SEMA4D: variants seen among roughly 807,000 people sequenced by gnomAD.
The protein encoded by SEMA4D is semaphorin-4D.
Under a neutral mutation model 74.8 loss-of-function variants are expected in SEMA4D, and 22 were observed. The ratio of observed to expected loss-of-function variants is 0.29; its 90% CI spans 0.21 to 0.42. The LOEUF (loss-of-function observed/expected upper bound fraction) is 0.42, where lower values mean the gene tolerates loss of function less well. Among genes scored for constraint, SEMA4D ranks in the 10% least tolerant of loss-of-function variants. The probability of loss-of-function intolerance (pLI) is 1.00; values close to 1 mark genes in which losing one functional copy is unlikely to be tolerated. For synonymous variants in SEMA4D, 445 were observed against 463.7 expected (o/e 0.96, Z 0.52); for missense variants, 937 against 1,118.4 (o/e 0.84, Z 2.31).
chr9:89,365,866 G>C (rs1833574851), intron 16 of SEMA4D, among the ~76,000 whole-genome samples: 1 of 152,214 alleles, frequency 6.6e-6, no homozygotes, highest in South Asian at 2.1e-4. Context: ...GTTTAATGAA[G>C]CTGACTTTAG....
downstream of SEMA4D, among the ~76,000 whole-genome samples, chr9:89,375,472 A>G (rs892331643): frequency 7.2e-5 from 11 of 152,234 alleles, no homozygotes; most frequent in Non-Finnish European, 1.5e-4. Context: ...TTCTGGCCTC[A>G]GCAGACATGG....
At chr9:89,429,688 T>G (rs894631593) in intron 2 of SEMA4D, among the ~76,000 whole-genome samples, 1 of 152,158 alleles carries the variant, frequency 6.6e-6, no homozygotes, top group African/African-American at 2.4e-5. Flanking sequence ...CGGGTGACAG[T>G]GGCCGAGGGA....
chr9:89,384,881 C>G, intron 13 of SEMA4D: 2 of 985,402 alleles, frequency 2.0e-6, no homozygotes, highest in Non-Finnish European at 1.2e-6. Context: ...CTTCCACCCC[C>G]ACCTGGAGCC....
At position 89,383,101 on chromosome 9, in the gene SEMA4D, C is replaced by T. The variant is rs773761395; in HGVS notation, c.1447-1755G>A. The stretch of plus-strand genomic sequence containing the variant: ...AGGGGACAGGGAAGGAGGAACTGGT[C>T]GTCAGGACAGCCAGCTGTAACTGCT... On this transcript the variant is annotated intron_variant, in intron 13 of 15. Coordinates refer to ENST00000422704, the MANE Select transcript of SEMA4D (RefSeq NM_001371194.2). Among the ~76,000 whole-genome samples the T allele has an allele frequency of 2.0e-5, 3 of 152,156 alleles. No individual in the cohort carries two copies. In the South Asian group the frequency reaches 6.2e-4, roughly 32 times the overall value.
At chr9:89,398,236 T>C (rs572153578) in intron 5 of SEMA4D, among the ~76,000 whole-genome samples, 8 of 152,164 alleles carry the variant, frequency 5.3e-5, no homozygotes, top group Admixed American at 4.6e-4. Flanking sequence ...CCTGTGCCTA[T>C]AAGAGCCCAG....
chr9:89,393,481 G>C, intron 7 of SEMA4D, 81 bp downstream of exon 7: 2 of 1,212,458 alleles, frequency 1.6e-6, no homozygotes, highest in Non-Finnish European at 2.4e-6. Flanking sequence ...CAGCACTTCA[G>C]AGAAGATCCA....
intron 18 of SEMA4D, chr9:89,363,349 C>G: frequency 1.3e-6 from 2 of 1,581,336 alleles, no homozygotes; most frequent in Non-Finnish European, 1.7e-6. Context: ...TGAATGGGGC[C>G]CTTGAAAGAT....
chr9:89,382,497 A>C (rs562582298), intron 13 of SEMA4D, among the ~76,000 whole-genome samples: 2 of 152,180 alleles, frequency 1.3e-5, no homozygotes, highest in Non-Finnish European at 2.9e-5. Flanking sequence ...GTGCGGACAC[A>C]GACCCACGAG....
downstream of SEMA4D, chr9:89,376,638 TCA>T (rs1410741171): frequency 9.1e-6 from 7 of 770,188 alleles, no homozygotes; most frequent in Non-Finnish European, 1.4e-5. Flanking sequence ...AGAAGTGGCT[TCA>T]CACTGTCTAC....
intron 1 of SEMA4D, among the ~76,000 whole-genome samples, chr9:89,478,330 T>A (rs1026342985): frequency 6.6e-6 from 1 of 151,996 alleles, no homozygotes; most frequent in Admixed American, 6.6e-5. Context: ...GCAGACGCCA[T>A]GTGATGTTGG....
intron 13 of SEMA4D, chr9:89,385,013 G>C (rs985635807): frequency 1.0e-6 from 1 of 985,248 alleles, no homozygotes; most frequent in African/African-American, 1.7e-5. Context: ...GGGTCGGGTG[G>C]TCCAGTAGGA....
intron 13 of SEMA4D, chr9:89,385,683 G>T: frequency 1.7e-6 from 1 of 594,412 alleles, no homozygotes; most frequent in Non-Finnish European, 2.1e-6. Context: ...CTGGAGGGGT[G>T]TTTGCAAATA....
At chr9:89,489,669 G>C (rs1450648897) in intron 1 of SEMA4D, among the ~76,000 whole-genome samples, 1 of 152,206 alleles carries the variant, frequency 6.6e-6, no homozygotes, top group African/African-American at 2.4e-5. Flanking sequence ...TCACATTGTA[G>C]CATGTATCAG....
rs1174908930 is a variant in SEMA4D at position 89,378,052 on chromosome 9, T to C, written c.*652A>G. 1.3e-5 allele frequency: 2 copies of C among 152,180 alleles called. No homozygotes were observed. Among genetic ancestry groups the C allele is most frequent in the Non-Finnish European group, 2.9e-5 (2 of 67,978 alleles). The allele number at this position is 152,180 out of a possible 1,614,324, so 9.4% of individuals were successfully genotyped here. On this transcript the variant is annotated 3_prime_UTR_variant, in exon 16 of 16. Coordinates refer to ENST00000422704, the MANE Select transcript of SEMA4D (RefSeq NM_001371194.2). Reference sequence around the variant, plus strand: ...CATTTCTAAAAGCAGAAAGAATGCATTTAGCAAAAGGAAGTTTATCCCTGA... The same window carrying C: ...CATTTCTAAAAGCAGAAAGAATGCACTTAGCAAAAGGAAGTTTATCCCTGA...
At chr9:89,458,587 C>G (rs549549408) in intron 1 of SEMA4D, among the ~76,000 whole-genome samples, 1 of 152,022 alleles carries the variant, frequency 6.6e-6, no homozygotes, top group Non-Finnish European at 1.5e-5. Context: ...CATGCACACA[C>G]GTATACACCT....
chr9:89,454,146 G>T (rs1311464614), intron 2 of SEMA4D, among the ~76,000 whole-genome samples: 2 of 152,166 alleles, frequency 1.3e-5, no homozygotes, highest in African/African-American at 4.8e-5. Flanking sequence ...GACTATCTAT[G>T]ATGTGAAAGC....
At chr9:89,425,587 T>TG (rs1847927585) in intron 2 of SEMA4D, among the ~76,000 whole-genome samples, 6 of 152,130 alleles carry the variant, frequency 3.9e-5, no homozygotes, top group Admixed American at 3.9e-4. Flanking sequence ...TGAATCCCAG[T>TG]GTTCAAGAGG....
rs1490761468 is a variant in SEMA4D, at chr9:89,453,824, CT to C, written c.-244+2063del. Among the ~76,000 whole-genome samples, 4 of 151,422 alleles carry C rather than the reference CT, an allele frequency of 2.6e-5. No homozygotes were observed. In the East Asian group the frequency reaches 7.8e-4, roughly 29 times the overall value. On this transcript the variant is annotated intron_variant, in intron 2 of 15. Transcript: ENST00000422704. ...AAAAGTCCCTTAAAAGTTATTTTTG[CT>C]TCTACTTCAACCCAAGTTGTAGAAT... is the stretch of plus-strand genomic sequence containing the variant.
chr9:89,365,634 A>G (rs1481532994), intron 16 of SEMA4D: 1 of 152,312 alleles, frequency 6.6e-6, no homozygotes, highest in Non-Finnish European at 1.5e-5. Context: ...GGAGTTCAGA[A>G]CACTGAGCAG....
Sources: allele counts gnomAD v4.1 joint callset (sites outside exome capture counted in the v4.1 genomes callset), GRCh38; gene constraint gnomAD v4.1.1; transcripts MANE v1.5; gene names NCBI Gene and HGNC (gene_info 2026-07-23, HGNC 2026-07-21).